FNDC3A: variants seen among roughly 807,000 people sequenced by gnomAD.
FNDC3A encodes fibronectin type III domain containing 3A.
Under a neutral mutation model 148.9 loss-of-function variants are expected in FNDC3A, and 32 were observed. That is an observed-to-expected ratio of 0.21 (90% CI 0.16 to 0.29). The LOEUF (loss-of-function observed/expected upper bound fraction) is 0.29, where lower values mean the gene tolerates loss of function less well. Ranked by LOEUF, FNDC3A falls within the 10% of genes least tolerant of loss-of-function variation. The pLI is 1.00. For missense variants in FNDC3A, 1,191 were observed against 1,452.8 expected (o/e 0.82, Z 2.93); for synonymous variants, 472 against 473.6 (o/e 1.00, Z 0.04).
intron 2 of FNDC3A, among the ~76,000 whole-genome samples, chr13:49,061,943 T>A (rs1466836955): frequency 6.7e-6 from 1 of 148,926 alleles, no homozygotes; most frequent in African/African-American, 2.5e-5. Context: ...TGGAGAAGAA[T>A]GGTGACTAAT....
intron 20 of FNDC3A, among the ~76,000 whole-genome samples, 187 bp from the exon 21 acceptor site, chr13:49,197,538 A>T (rs1886212630): frequency 6.6e-6 from 1 of 150,980 alleles, no homozygotes; most frequent in South Asian, 2.1e-4. Context: ...ATATTTGACC[A>T]ATCTTAAATT....
At chr13:49,133,508 G>A (rs571121721) in intron 5 of FNDC3A, among the ~76,000 whole-genome samples, 1 of 152,180 alleles carries the variant, frequency 6.6e-6, no homozygotes, top group Non-Finnish European at 1.5e-5. Flanking sequence ...TGTTGTACTT[G>A]AGGTTATAAG....
At chr13:49,040,765 TAG>T (rs1555282379) in intron 2 of FNDC3A, among the ~76,000 whole-genome samples, 5 of 152,188 alleles carry the variant, frequency 3.3e-5, no homozygotes, top group Non-Finnish European at 7.4e-5. Context: ...CCTGTGCAAA[TAG>T]AGACATCAAT....
intron 12 of FNDC3A, 145 bp downstream of exon 12, chr13:49,174,704 C>G: frequency 3.1e-6 from 2 of 655,156 alleles, no homozygotes; most frequent in Non-Finnish European, 4.9e-6. Context: ...TGTTACCAGT[C>G]TAGCAAAAGC....
chr13:49,162,985 G>A (rs1415050405), intron 8 of FNDC3A, among the ~76,000 whole-genome samples: 1 of 152,206 alleles, frequency 6.6e-6, no homozygotes, highest in Non-Finnish European at 1.5e-5. Context: ...ATTGCTGCCT[G>A]ATCCTTCCTC....
chr13:49,196,778 A>T (rs1486824496), intron 19 of FNDC3A, 99 bp from the exon 20 acceptor site: 3 of 558,968 alleles, frequency 5.4e-6, no homozygotes, highest in Admixed American at 7.2e-5. Flanking sequence ...AAACACAGGG[A>T]AAAGACTTTA....
chr13:48,992,517 G>A (rs1408725848), intron 1 of FNDC3A, among the ~76,000 whole-genome samples: 2 of 152,118 alleles, frequency 1.3e-5, no homozygotes, highest in Non-Finnish European at 2.9e-5. Context: ...TACCTGGATG[G>A]CAGATAAGCA....
At chr13:49,086,721 T>G (rs1449912320) in intron 3 of FNDC3A, among the ~76,000 whole-genome samples, 2 of 152,200 alleles carry the variant, frequency 1.3e-5, no homozygotes, top group African/African-American at 4.8e-5. Flanking sequence ...TTAACTTCCA[T>G]TAGAAAATTT....
At chr13:49,087,803 C>A (rs1264639073) in intron 3 of FNDC3A, among the ~76,000 whole-genome samples, 1 of 151,970 alleles carries the variant, frequency 6.6e-6, no homozygotes, top group African/African-American at 2.4e-5. Flanking sequence ...AAAATGGTAA[C>A]TTGTTTTTTA....
At chr13:49,046,143 T>A (rs1036682480) in intron 2 of FNDC3A, 1 of 157,478 alleles carries the variant, frequency 6.4e-6, no homozygotes, top group African/African-American at 2.4e-5. Context: ...TAGAACTTCA[T>A]GTAAAGTATC....
intron 12 of FNDC3A, 101 bp from the exon 13 acceptor site, chr13:49,175,266 C>A (rs753203778): frequency 2.9e-6 from 2 of 699,270 alleles, no homozygotes; most frequent in Non-Finnish European, 4.4e-6. Flanking sequence ...AATTCATTAT[C>A]AAAACTTGTC....
At chr13:49,078,873 GAT>G (rs1878289994) in intron 3 of FNDC3A, among the ~76,000 whole-genome samples, 3 of 152,172 alleles carry the variant, frequency 2.0e-5, no homozygotes, top group Admixed American at 2.0e-4. Context: ...GAGAAACATA[GAT>G]CATTATAGCC....
At chr13:49,103,203 T>G (rs1238651385) in intron 3 of FNDC3A, among the ~76,000 whole-genome samples, 1 of 152,230 alleles carries the variant, frequency 6.6e-6, no homozygotes, top group Non-Finnish European at 1.5e-5. Context: ...GTCATTAGAA[T>G]TAGATGGGCT....
chr13:49,069,027 C>G (rs578172240), intron 2 of FNDC3A, among the ~76,000 whole-genome samples: 1 of 152,002 alleles, frequency 6.6e-6, no homozygotes, highest in African/African-American at 2.4e-5. Context: ...ACTTATATAA[C>G]AAACCTACAC....
At chr13:49,089,602 C>T (rs1218116394) in intron 3 of FNDC3A, among the ~76,000 whole-genome samples, 1 of 152,184 alleles carries the variant, frequency 6.6e-6, no homozygotes, top group Admixed American at 6.5e-5. Context: ...TGTGGGTGGG[C>T]TCTGGGAACT....
intron 2 of FNDC3A, among the ~76,000 whole-genome samples, chr13:49,043,358 A>C (rs1261925276): frequency 6.6e-6 from 1 of 152,182 alleles, no homozygotes; most frequent in Non-Finnish European, 1.5e-5. Flanking sequence ...GAAATTTGTG[A>C]AACTTGATTT....
intron 2 of FNDC3A, among the ~76,000 whole-genome samples, chr13:49,019,593 G>A (rs192758312): frequency 7.3e-4 from 111 of 152,354 alleles, no homozygotes; most frequent in African/African-American, 2.4e-3. Flanking sequence ...GCTGTAGACC[G>A]GAGCTGTTCC....
At chr13:49,022,836 A>G (rs1055095927) in intron 2 of FNDC3A, among the ~76,000 whole-genome samples, 2 of 152,072 alleles carry the variant, frequency 1.3e-5, no homozygotes, top group African/African-American at 4.8e-5. Flanking sequence ...TTTCTGTGAC[A>G]TTTCCTTAGA....
chr13:48,995,467 A>G (rs182740166), intron 1 of FNDC3A, among the ~76,000 whole-genome samples: 12 of 152,276 alleles, frequency 7.9e-5, no homozygotes, highest in African/African-American at 2.6e-4. Flanking sequence ...AATCTTTTGA[A>G]TTATAAAAAG....
Sources: gnomAD v4.1 joint callset for allele counts (sites outside exome capture counted in the v4.1 genomes callset) on GRCh38, gnomAD v4.1.1 for gene constraint, MANE v1.5 for transcripts, NCBI Gene and HGNC (gene_info 2026-07-23, HGNC 2026-07-21) for gene names.